DLGAP1: variants seen among roughly 807,000 people sequenced by gnomAD.
DLGAP1 encodes the protein disks large-associated protein 1.
A neutral mutation model predicts 90.8 loss-of-function variants in DLGAP1; 11 were observed. That is an observed-to-expected ratio of 0.12 (90% CI 0.08 to 0.20). The LOEUF (loss-of-function observed/expected upper bound fraction) is 0.20, where lower values mean the gene tolerates loss of function less well. DLGAP1 is among the 10% of genes least tolerant of loss of function. The pLI is 1.00. For missense variants in DLGAP1, 1,050 were observed against 1,333.8 expected (o/e 0.79, Z 3.31); for synonymous variants, 558 against 540.7 (o/e 1.03, Z -0.44).
At chr18:4,382,018 A>G (rs537410466) in intron 1 of DLGAP1, among the ~76,000 whole-genome samples, 1 of 152,228 alleles carries the variant, frequency 6.6e-6, no homozygotes, top group South Asian at 2.1e-4. Flanking sequence ...CTTATTCACC[A>G]CCAAAAGAAT....
chr18:3,785,408 G>GA (rs2065402118), intron 5 of DLGAP1, among the ~76,000 whole-genome samples: 1 of 151,982 alleles, frequency 6.6e-6, no homozygotes, highest in Non-Finnish European at 1.5e-5. Flanking sequence ...CAGATTAATA[G>GA]AAAAAAAGGC....
chr18:3,952,425 T>C (rs1023722507), intron 3 of DLGAP1, among the ~76,000 whole-genome samples: 5 of 152,178 alleles, frequency 3.3e-5, no homozygotes, highest in African/African-American at 1.2e-4. Flanking sequence ...TATTGACCAC[T>C]CCCCCTAGTG....
chr18:3,699,623 C>T lies in DLGAP1; in HGVS notation c.1591+29512G>A, dbSNP rs568915633. 2.0e-5 allele frequency among the ~76,000 whole-genome samples: 3 copies of T among 152,088 alleles called. No homozygotes were observed. In the South Asian group the frequency reaches 6.2e-4, roughly 32 times the overall value. ...TCAGGAGGCATGGGGGTCAGGGACC[C>T]ACTTGAGGAAGCAGAGTGTCCCTTA... On this transcript the variant is annotated intron_variant, in intron 7 of 12. Coordinates refer to ENST00000315677, the MANE Select transcript of DLGAP1 (RefSeq NM_004746.4).
Position 4,228,966 on chromosome 18 carries a change from T to C in DLGAP1, c.-266-77679A>G, listed in dbSNP as rs145056709. On this transcript the variant is annotated intron_variant, in intron 1 of 12. Coordinates refer to ENST00000315677, the MANE Select transcript of DLGAP1 (RefSeq NM_004746.4). Reference sequence around the variant, plus strand: ...AACCTAAGGACTCCACAAAAATTATTTGATAAACAAATTCAATAAAGTTGA... The same window carrying C: ...AACCTAAGGACTCCACAAAAATTATCTGATAAACAAATTCAATAAAGTTGA... 3.9e-3 allele frequency among the ~76,000 whole-genome samples: 588 copies of C among 151,940 alleles called. 3 individuals are homozygous for C. The highest frequency in any genetic ancestry group is 0.014 in the African/African-American group (568 of 41,512).
chr18:4,050,187 T>C (rs1322086990), intron 2 of DLGAP1, among the ~76,000 whole-genome samples: 1 of 152,190 alleles, frequency 6.6e-6, no homozygotes, highest in African/African-American at 2.4e-5. Flanking sequence ...TCTTGCCCTG[T>C]TTCTCTAAGT....
intron 1 of DLGAP1, among the ~76,000 whole-genome samples, chr18:4,301,996 T>C (rs1369716886): frequency 6.6e-6 from 1 of 152,190 alleles, no homozygotes; most frequent in Non-Finnish European, 1.5e-5. Context: ...ATTTGTTTTC[T>C]TGCTATTGAA....
intron 4 of DLGAP1, among the ~76,000 whole-genome samples, chr18:3,877,860 C>T (rs559004232): frequency 4.5e-4 from 68 of 152,336 alleles, no homozygotes; most frequent in African/African-American, 1.6e-3. Context: ...AATTAGGCAA[C>T]ACCAGCTTCA....
At chr18:3,823,949 CAAAAAAAAAAAA>C (rs60286806) in intron 4 of DLGAP1, among the ~76,000 whole-genome samples, 4 of 36,556 alleles carry the variant, frequency 1.1e-4, no homozygotes, top group Admixed American at 1.1e-3. Flanking sequence ...GACTCCCTCT[CAAAAAAAAAAAA>C]AAAAAAAAAA....
rs115120057 is a variant in DLGAP1 at position 3,783,524 on chromosome 18, T to C, written c.1172+30535A>G. 3.5e-3 allele frequency among the ~76,000 whole-genome samples: 539 copies of C among 152,294 alleles called. 4 individuals carry two copies. The highest frequency in any genetic ancestry group is 0.012 in the African/African-American group (493 of 41,568). ...ACATGGATTAACCTTGAAAACATTA[T>C]GCTAAATGAAAGAAAGGGTCACATG... On this transcript the variant is annotated intron_variant, in intron 5 of 12. Coordinates refer to ENST00000315677, the MANE Select transcript of DLGAP1 (RefSeq NM_004746.4).
intron 1 of DLGAP1, among the ~76,000 whole-genome samples, chr18:4,193,052 G>T (rs771470132): frequency 7.9e-5 from 12 of 152,200 alleles, no homozygotes; most frequent in Non-Finnish European, 1.6e-4. Context: ...TCTAATGTTT[G>T]TCATTTGCGC....
At chr18:3,780,322 T>C (rs1263347177) in intron 5 of DLGAP1, among the ~76,000 whole-genome samples, 1 of 152,210 alleles carries the variant, frequency 6.6e-6, no homozygotes, top group Non-Finnish European at 1.5e-5. Context: ...CCTTATTATG[T>C]TACATTCCTG....
At chr18:4,302,206 A>C (rs1260161592) in intron 1 of DLGAP1, among the ~76,000 whole-genome samples, 1 of 152,194 alleles carries the variant, frequency 6.6e-6, no homozygotes, top group Non-Finnish European at 1.5e-5. Flanking sequence ...AGATAAAAGA[A>C]AAATCACAGT....
In DLGAP1 at chr18:3,898,014, T is replaced by C. The variant is rs559183138; in HGVS notation, c.-72-17874A>G. 5.3e-5 allele frequency among the ~76,000 whole-genome samples: 8 copies of C among 152,092 alleles called. No individual in the cohort carries two copies. In the East Asian group the frequency reaches 1.5e-3, roughly 29 times the overall value. ...TTTCACCTTGTTAGCCAGGATGGTC[T>C]CGATCTCCTGACCTCGTGATCCGCC... On this transcript the variant is annotated intron_variant, in intron 3 of 12. Coordinates refer to ENST00000315677, the MANE Select transcript of DLGAP1 (RefSeq NM_004746.4).
chr18:3,580,066 A>T, intron 8 of DLGAP1: 1 of 716,782 alleles, frequency 1.4e-6, no homozygotes, highest in Admixed American at 2.5e-5. Context: ...CTCATGTTTG[A>T]TTGTGTTCAT....
At chr18:3,669,181 A>T (rs1244460339) in intron 7 of DLGAP1, among the ~76,000 whole-genome samples, 1 of 147,180 alleles carries the variant, frequency 6.8e-6, no homozygotes, top group Non-Finnish European at 1.5e-5. Flanking sequence ...GACCTTCCAG[A>T]TGTTTTTCTT....
intron 1 of DLGAP1, among the ~76,000 whole-genome samples, chr18:4,291,748 C>A (rs1335736264): frequency 6.6e-6 from 1 of 152,026 alleles, no homozygotes; most frequent in African/African-American, 2.4e-5. Flanking sequence ...GCAAAGGAAG[C>A]CTATGGTCTA....
At chr18:4,025,945 A>G (rs1247014506) in intron 2 of DLGAP1, among the ~76,000 whole-genome samples, 1 of 152,250 alleles carries the variant, frequency 6.6e-6, no homozygotes, top group Non-Finnish European at 1.5e-5. Flanking sequence ...ATAGCCAAAT[A>G]TAGACAGCCA....
At chr18:3,944,031 C>T (rs1204807542) in intron 3 of DLGAP1, among the ~76,000 whole-genome samples, 1 of 152,206 alleles carries the variant, frequency 6.6e-6, no homozygotes, top group African/African-American at 2.4e-5. Context: ...TTAAGCCACT[C>T]AGTATGTGGT....
At chr18:4,370,197 T>A (rs1010234074) in intron 1 of DLGAP1, among the ~76,000 whole-genome samples, 15 of 152,028 alleles carry the variant, frequency 9.9e-5, no homozygotes, top group Non-Finnish European at 1.8e-4. Context: ...AGAAGCAATA[T>A]GAAGAAAAAT....
Sources: gnomAD v4.1 joint callset for allele counts (sites outside exome capture counted in the v4.1 genomes callset) on GRCh38, gnomAD v4.1.1 for gene constraint, MANE v1.5 for transcripts, NCBI Gene and HGNC (gene_info 2026-07-23, HGNC 2026-07-21) for gene names.